TMC1: variants seen among roughly 807,000 people sequenced by gnomAD.
TMC1 encodes the protein transmembrane channel-like protein 1.
A neutral mutation model predicts 105.8 loss-of-function variants in TMC1; 84 were observed. The observed-to-expected ratio is 0.79, with a 90% confidence interval of 0.67 to 0.95. The LOEUF (loss-of-function observed/expected upper bound fraction) is 0.95. Ranked by LOEUF, TMC1 falls within the 40% of genes least tolerant of loss-of-function variation. The pLI is 0.00. For missense variants in TMC1, 817 were observed against 914.1 expected, an observed-to-expected ratio of 0.89 and a Z score of 1.37; for synonymous variants, 315 against 311.5, an observed-to-expected ratio of 1.01 and a Z score of -0.12.
chr9:72,578,804 A>G lies in TMC1; in HGVS notation c.-306+781A>G, dbSNP rs12349486. ...AACCATGTCACCCGCAGCCTTTCTC[A>G]ATTTCTGGCATTCTGAGAAACACAC... On this transcript the variant is annotated intron_variant, in intron 2 of 23. Transcript: ENST00000297784. Among the ~76,000 whole-genome samples the G allele has an allele frequency of 3.3e-5, 5 of 152,120 alleles. No homozygotes were observed. In the South Asian group the frequency reaches 1.0e-3, roughly 32 times the overall value.
chr9:72,791,985 C>G lies in TMC1; in HGVS notation c.1324C>G (p.Leu442Val). ...DYHPLIALKW[L>V]LGRIFALLLG... The stretch of plus-strand genomic sequence containing the variant: ...CCATCCTCTCATCGCTTTGAAATGG[C>G]TACTGGGACGCATTTTTGCTCTTCT... The change falls in exon 16 of 24, where the codon CTA (leucine) becomes GTA (valine). Residue 442 changes from leucine to valine, a missense_variant. Coordinates refer to ENST00000297784, the MANE Select transcript of TMC1 (RefSeq NM_138691.3). 6.2e-7 allele frequency: 1 copy of G among 1,614,044 alleles called. No individual in the cohort carries two copies. The highest frequency in any genetic ancestry group is 8.5e-7 in the Non-Finnish European group (1 of 1,179,960).
At chr9:72,702,256 C>T (rs574045620) in intron 8 of TMC1, among the ~76,000 whole-genome samples, 3 of 152,124 alleles carry the variant, frequency 2.0e-5, no homozygotes, top group Non-Finnish European at 4.4e-5. Flanking sequence ...CCAAGGACTA[C>T]CTTTCCTTTC....
intron 5 of TMC1, among the ~76,000 whole-genome samples, chr9:72,666,144 C>A (rs1009481095): frequency 6.6e-6 from 1 of 152,006 alleles, no homozygotes; most frequent in Non-Finnish European, 1.5e-5. Context: ...GGCCAGGCAG[C>A]GTGGCTTACG....
At position 72,635,008 on chromosome 9, in the gene TMC1, G is replaced by A. The variant is rs138963487; in HGVS notation, c.-53+6945G>A. On this transcript the variant is annotated intron_variant, in intron 4 of 23. Coordinates refer to ENST00000297784, the MANE Select transcript of TMC1 (RefSeq NM_138691.3). ...GTGGTGGCTCACACCTGTAATCCCC[G>A]CACATTGGGAGGCTGAGGTGGGTGG... Among the ~76,000 whole-genome samples, 300 of 152,154 alleles carry A rather than the reference G, an allele frequency of 2.0e-3. 1 individual carries two copies. The highest frequency in any genetic ancestry group is 0.016 in the East Asian group (85 of 5,162).
intron 2 of TMC1, among the ~76,000 whole-genome samples, chr9:72,588,733 A>G (rs540512927): frequency 6.6e-6 from 1 of 152,230 alleles, no homozygotes; most frequent in East Asian, 1.9e-4. Context: ...TGGAGGCCCC[A>G]GAAAACTGCT....
At chr9:72,713,128 T>G (rs551470015) in intron 8 of TMC1, among the ~76,000 whole-genome samples, 12 of 152,336 alleles carry the variant, frequency 7.9e-5, no homozygotes, top group Admixed American at 7.2e-4. Context: ...TGAAGCCAGC[T>G]TGATCATGTT....
intron 8 of TMC1, among the ~76,000 whole-genome samples, chr9:72,701,236 G>A (rs1245612911): frequency 1.3e-5 from 2 of 152,172 alleles, no homozygotes; most frequent in African/African-American, 2.4e-5. Flanking sequence ...TAAAGGTTAT[G>A]CTAATAGCTA....
intron 13 of TMC1, among the ~76,000 whole-genome samples, chr9:72,778,255 G>T (rs1828035842): frequency 6.6e-6 from 1 of 152,186 alleles, no homozygotes; most frequent in Non-Finnish European, 1.5e-5. Context: ...AGAAACCAGG[G>T]TATTAAGAAG....
At chr9:72,769,107 G>A (rs1430500356) in intron 12 of TMC1, among the ~76,000 whole-genome samples, 2 of 152,174 alleles carry the variant, frequency 1.3e-5, no homozygotes, top group Non-Finnish European at 2.9e-5. Context: ...AAGCATATAG[G>A]ATTTGGATTA....
chr9:72,675,886 G>A (rs142496351), intron 5 of TMC1, among the ~76,000 whole-genome samples: 4 of 152,184 alleles, frequency 2.6e-5, no homozygotes, highest in East Asian at 3.9e-4. Flanking sequence ...GAGAGAAGTC[G>A]TGTAAATCTC....
intron 15 of TMC1, among the ~76,000 whole-genome samples, chr9:72,789,982 G>T (rs935744233): frequency 6.6e-6 from 1 of 152,124 alleles, no homozygotes; most frequent in African/African-American, 2.4e-5. Flanking sequence ...CATTATGACC[G>T]TAATTTGCCT....
chr9:72,682,464 G>C (rs1045669162), intron 5 of TMC1, among the ~76,000 whole-genome samples: 1 of 152,094 alleles, frequency 6.6e-6, no homozygotes, highest in Non-Finnish European at 1.5e-5. Context: ...TCATTCAATG[G>C]CTTCTGAAAT....
At chr9:72,811,339 T>C (rs1157053698) in intron 18 of TMC1, among the ~76,000 whole-genome samples, 2 of 152,158 alleles carry the variant, frequency 1.3e-5, no homozygotes, top group African/African-American at 4.8e-5. Flanking sequence ...TTGGAGCAGA[T>C]TACCAGACCA....
chr9:72,523,121 A>G (rs770924348), intron 1 of TMC1, among the ~76,000 whole-genome samples: 1 of 152,234 alleles, frequency 6.6e-6, no homozygotes, highest in Non-Finnish European at 1.5e-5. Context: ...CCATGATGCC[A>G]TAGGGCTGGC....
In TMC1 at chr9:72,772,462, G is replaced by C. The variant is rs147147941; in HGVS notation, c.791G>C (p.Arg264Pro). The C allele has an allele frequency of 3.1e-6, 5 of 1,613,696 alleles. No homozygotes were observed. Among genetic ancestry groups the C allele is most frequent in the Non-Finnish European group, 4.2e-6 (5 of 1,179,816 alleles). The part of the protein sequence containing the change: ...VLFYGYYDNK[R>P]TIGWMNFRLP... ...TTTTATGGCTATTATGACAATAAACGAACAATTGGATGGATGAATTTCAGG... is the reference window on the plus strand; with the variant it reads ...TTTTATGGCTATTATGACAATAAACCAACAATTGGATGGATGAATTTCAGG... Residue 264 changes from arginine to proline, a missense_variant, in exon 13 of 24, where the codon CGA becomes CCA. Coordinates refer to ENST00000297784, the MANE Select transcript of TMC1 (RefSeq NM_138691.3).
chr9:72,627,900 T>G (rs1213231058), intron 3 of TMC1, 21 bp from the exon 4 acceptor site: 1 of 290,180 alleles, frequency 3.4e-6, no homozygotes, highest in Non-Finnish European at 6.3e-6. Flanking sequence ...TGTATTGGAT[T>G]TTTTTTTTTT....
chr9:72,591,034 A>G (rs1319281965), intron 2 of TMC1, among the ~76,000 whole-genome samples: 1 of 152,232 alleles, frequency 6.6e-6, no homozygotes, highest in Non-Finnish European at 1.5e-5. Context: ...GAGAGCAAAC[A>G]GTGGTGCAAG....
intron 1 of TMC1, among the ~76,000 whole-genome samples, chr9:72,576,629 T>TC (rs1824385730): frequency 7.7e-6 from 1 of 130,130 alleles, no homozygotes; most frequent in African/African-American, 3.3e-5. Context: ...TTTTTTTTTT[T>TC]TTTCTTTTTT....
chr9:72,792,373 G>A (rs1366377829), intron 17 of TMC1, 21 bp downstream of exon 17: 17 of 1,613,588 alleles, frequency 1.1e-5, no homozygotes, highest in Non-Finnish European at 1.4e-5. Flanking sequence ...CAACAGAAGT[G>A]TATGGCAATT....
Sources: allele counts gnomAD v4.1 joint callset (sites outside exome capture counted in the v4.1 genomes callset), GRCh38; gene constraint gnomAD v4.1.1; transcripts MANE v1.5; gene names NCBI Gene and HGNC (gene_info 2026-07-23, HGNC 2026-07-21).